MYH15: variants seen among roughly 807,000 people sequenced by gnomAD.
The protein encoded by MYH15 is myosin-15.
MYH15 carries 227 observed loss-of-function variants against 240.5 expected under a neutral mutation model. That is an observed-to-expected ratio of 0.94 (90% confidence interval 0.85 to 1.05). The LOEUF is 1.05. Ranked by LOEUF, MYH15 falls within the 50% of genes least tolerant of loss-of-function variation. MYH15 has a pLI of 0.00. For synonymous variants in MYH15, 785 were observed against 796.7 expected (o/e 0.99, Z 0.25); for missense variants, 2,217 against 2,247.5 (o/e 0.99, Z 0.27).
At chr3:108,426,501 GTTC>G (rs1401679249) in intron 27 of MYH15, among the ~76,000 whole-genome samples, 1 of 152,180 alleles carries the variant, frequency 6.6e-6, no homozygotes, top group African/African-American at 2.4e-5. Flanking sequence ...GCAGGCCCAG[GTTC>G]AGCTCAGGTC....
chr3:108,385,016 C>G (rs983711560), intron 38 of MYH15, among the ~76,000 whole-genome samples: 3 of 152,026 alleles, frequency 2.0e-5, no homozygotes, highest in African/African-American at 7.2e-5. Context: ...GGAGTTAAAC[C>G]CATTAGGTTC....
At chr3:108,477,306 C>A (rs2083229584) in intron 11 of MYH15, among the ~76,000 whole-genome samples, 1 of 152,134 alleles carries the variant, frequency 6.6e-6, no homozygotes, top group Non-Finnish European at 1.5e-5. Flanking sequence ...TTGGTTGCCA[C>A]AGGCTGAGGA....
chr3:108,420,674 C>G (rs1220448774), intron 28 of MYH15, among the ~76,000 whole-genome samples: 1 of 152,098 alleles, frequency 6.6e-6, no homozygotes, highest in Non-Finnish European at 1.5e-5. Flanking sequence ...GCCGGCTGTA[C>G]AGACCATTGG....
intron 24 of MYH15, among the ~76,000 whole-genome samples, chr3:108,438,403 T>A (rs1436851684): frequency 6.6e-6 from 1 of 152,218 alleles, no homozygotes; most frequent in Non-Finnish European, 1.5e-5. Flanking sequence ...ACAATATGGC[T>A]TTTTATTTAT....
intron 25 of MYH15, among the ~76,000 whole-genome samples, chr3:108,435,327 C>A (rs566815232): frequency 1.3e-5 from 2 of 152,140 alleles, no homozygotes; most frequent in African/African-American, 2.4e-5. Flanking sequence ...GAACACTTAA[C>A]ATGAGCTCTA....
chr3:108,381,577 A>G lies in MYH15; in HGVS notation c.5767-18T>C. The G allele has an allele frequency of 6.2e-7, 1 of 1,613,350 alleles. No homozygotes were observed. The highest frequency in any genetic ancestry group is 8.5e-7 in the Non-Finnish European group (1 of 1,179,298). ...TCTTGAACCTGAAAAACAGAATGTCAGTGTGTTCTGTGAATTTCCTGTGAT... is the reference window on the plus strand; with the variant it reads ...TCTTGAACCTGAAAAACAGAATGTCGGTGTGTTCTGTGAATTTCCTGTGAT... On this transcript the variant is annotated intron_variant, in intron 40 of 40. Transcript: ENST00000693548.
chr3:108,445,915 T>A (rs992261367), intron 21 of MYH15, among the ~76,000 whole-genome samples: 3 of 152,062 alleles, frequency 2.0e-5, no homozygotes, highest in African/African-American at 7.2e-5. Flanking sequence ...GTGGAAAAAT[T>A]AAGCAGGTTA....
intron 2 of MYH15, among the ~76,000 whole-genome samples, chr3:108,505,156 G>A (rs1560437326): frequency 6.6e-6 from 1 of 152,134 alleles, no homozygotes; most frequent in Non-Finnish European, 1.5e-5. Context: ...AAACATTGAT[G>A]AAAAAGTAGA....
intron 18 of MYH15, among the ~76,000 whole-genome samples, chr3:108,458,255 G>A (rs1001380715): frequency 6.6e-6 from 1 of 152,128 alleles, no homozygotes; most frequent in African/African-American, 2.4e-5. Flanking sequence ...ACTCTAATAG[G>A]TAACAGAATT....
the MYH15 span, among the ~76,000 whole-genome samples, chr3:108,535,022 A>G: frequency 6.6e-6 from 1 of 152,250 alleles, no homozygotes; most frequent in East Asian, 1.9e-4. Context: ...TCCTCACAAC[A>G]TCCAACACCA....
chr3:108,390,791 T>A (rs1036879775), intron 37 of MYH15, among the ~76,000 whole-genome samples: 1 of 152,216 alleles, frequency 6.6e-6, no homozygotes, highest in South Asian at 2.1e-4. Flanking sequence ...TTTCTTTGAC[T>A]TAAACTTGTT....
At chr3:108,511,725 G>T (rs1312184000), upstream of MYH15, among the ~76,000 whole-genome samples, 1 of 152,188 alleles carries the variant, frequency 6.6e-6, no homozygotes, top group African/African-American at 2.4e-5. Context: ...CTTAGCTCAG[G>T]TGCTGTCTTT....
intron 1 of MYH15, among the ~76,000 whole-genome samples, chr3:108,519,449 G>C (rs1388777489): frequency 6.6e-6 from 1 of 152,150 alleles, no homozygotes; most frequent in Non-Finnish European, 1.5e-5. Flanking sequence ...TTACAGGTGA[G>C]TATGCAGGGA....
rs539914815 is a variant in MYH15 at position 108,436,980 on chromosome 3, G to A, written c.3221+574C>T. On this transcript the variant is annotated intron_variant, in intron 25 of 40. Coordinates refer to ENST00000693548, the MANE Select transcript of MYH15 (RefSeq NM_014981.3). ...AGAACTAAACTGAGAAAGCCAAGTT[G>A]CCCTGAGTTCTTTGGGGTGTAAGGA... Among the ~76,000 whole-genome samples, 4 of 152,264 alleles carry A rather than the reference G, an allele frequency of 2.6e-5. No homozygotes were observed. In the South Asian group the frequency reaches 8.3e-4, roughly 32 times the overall value.
chr3:108,546,934 A>G, the MYH15 span, among the ~76,000 whole-genome samples: 3 of 152,268 alleles, frequency 2.0e-5, no homozygotes, highest in East Asian at 3.9e-4. Context: ...AGTGATTTGC[A>G]TGTTGAAAAT....
chr3:108,519,495 C>T (rs1157823201), intron 1 of MYH15, among the ~76,000 whole-genome samples: 1 of 152,016 alleles, frequency 6.6e-6, no homozygotes, highest in Non-Finnish European at 1.5e-5. Flanking sequence ...ATTCACCAAC[C>T]AATAACAATG....
intron 16 of MYH15, among the ~76,000 whole-genome samples, 178 bp downstream of exon 16, chr3:108,462,933 A>G (rs1232122863): frequency 6.6e-6 from 1 of 152,178 alleles, no homozygotes; most frequent in Non-Finnish European, 1.5e-5. Context: ...TTAGAGCACT[A>G]GTACCATCTC....
chr3:108,427,885 T>G (rs2082738885), intron 27 of MYH15, among the ~76,000 whole-genome samples: 1 of 152,204 alleles, frequency 6.6e-6, no homozygotes. Context: ...CTGCTTAATC[T>G]AAAGCAAAGC....
In MYH15 at chr3:108,409,362, C is replaced by T. The variant is rs569133909; in HGVS notation, c.4496-958G>A. Among the ~76,000 whole-genome samples, 99 of 152,284 alleles carry T rather than the reference C, an allele frequency of 6.5e-4. No individual in the cohort carries two copies. The Middle Eastern group carries it at 0.014, about 21-fold the overall frequency. ...AAAAGCTCACTCAATATTCAAACCCCGCCCCAGTCCAAAGGTGGTGCCCAG... is the reference window on the plus strand; with the variant it reads ...AAAAGCTCACTCAATATTCAAACCCTGCCCCAGTCCAAAGGTGGTGCCCAG... On this transcript the variant is annotated intron_variant, in intron 31 of 40. Coordinates refer to ENST00000693548, the MANE Select transcript of MYH15 (RefSeq NM_014981.3).
Sources: gnomAD v4.1 joint callset for allele counts (sites outside exome capture counted in the v4.1 genomes callset) on GRCh38, gnomAD v4.1.1 for gene constraint, MANE v1.5 for transcripts, NCBI Gene and HGNC (gene_info 2026-07-23, HGNC 2026-07-21) for gene names.